The following CLIP1 variants were observed in gnomAD, a reference collection of about 807,000 sequenced individuals.
CLIP1 encodes CAP-Gly domain containing linker protein 1.
Under a neutral mutation model 161.6 loss-of-function variants are expected in CLIP1, and 66 were observed. The observed-to-expected ratio is 0.41, with a 90% CI of 0.33 to 0.50. CLIP1 has a LOEUF of 0.50. CLIP1 is among the 20% of genes least tolerant of loss of function. CLIP1 has a pLI of 0.27. For missense variants in CLIP1, 1,376 were observed against 1,702.0 expected (o/e 0.81, Z 3.37); for synonymous variants, 598 against 626.2 (o/e 0.96, Z 0.67).
rs1284059838 is a variant in CLIP1, at chr12:122,272,527, AAG to A, written c.*346_*347del. On this transcript the variant is annotated 3_prime_UTR_variant, in exon 26 of 26. Transcript: ENST00000620786. ...GGAAATATCTTAGTGCAAATATGAAAAGTAACGGCATAATTTAAAGTTACTTA... is the reference window on the plus strand; with the variant it reads ...GGAAATATCTTAGTGCAAATATGAAATAACGGCATAATTTAAAGTTACTTA... 1 of 189,668 alleles carries A rather than the reference AAG, an allele frequency of 5.3e-6. No individual in the cohort carries two copies. The highest frequency in any genetic ancestry group is 2.3e-5 in the African/African-American group (1 of 42,678). The allele number at this position is 189,668 out of a possible 1,614,324, so 11.7% of individuals were successfully genotyped here.
intron 1 of CLIP1, among the ~76,000 whole-genome samples, chr12:122,387,575 TATATATATA>T (rs1955364141): frequency 7.3e-4 from 3 of 4,110 alleles, no homozygotes; most frequent in South Asian, 9.6e-3. Flanking sequence ...TATATATATA[TATATATATA>T]TATATATTTT....
chr12:122,290,356 A>T (rs1021990715), intron 20 of CLIP1, among the ~76,000 whole-genome samples: 1 of 152,158 alleles, frequency 6.6e-6, no homozygotes, highest in African/African-American at 2.4e-5. Flanking sequence ...ATATTTAGAA[A>T]TTTTTAGAAT....
chr12:122,383,162 C>T (rs1955082130), intron 1 of CLIP1, among the ~76,000 whole-genome samples: 1 of 152,204 alleles, frequency 6.6e-6, no homozygotes, highest in South Asian at 2.1e-4. Context: ...CTGGGCCAAC[C>T]TCATAGAGTG....
chr12:122,413,104 T>C (rs1956601827), intron 1 of CLIP1, among the ~76,000 whole-genome samples: 2 of 152,136 alleles, frequency 1.3e-5, no homozygotes, highest in Non-Finnish European at 2.9e-5. Flanking sequence ...AAAGGAAAAG[T>C]CTAAATAGGT....
At chr12:122,344,837 G>A (rs1952667905) in intron 10 of CLIP1, among the ~76,000 whole-genome samples, 1 of 152,140 alleles carries the variant, frequency 6.6e-6, no homozygotes, top group African/African-American at 2.4e-5. Context: ...AGTAACATAG[G>A]TGATATGAAA....
intron 3 of CLIP1, among the ~76,000 whole-genome samples, chr12:122,366,944 T>C (rs1374339942): frequency 6.6e-6 from 1 of 152,208 alleles, no homozygotes; most frequent in African/African-American, 2.4e-5. Flanking sequence ...TCACTGCAGT[T>C]GAGTCAAAAG....
intron 19 of CLIP1, among the ~76,000 whole-genome samples, chr12:122,315,434 G>A (rs528497813): frequency 1.3e-5 from 2 of 152,180 alleles, no homozygotes; most frequent in Admixed American, 6.6e-5. Context: ...AATCTACACC[G>A]TAACTATCCT....
intron 5 of CLIP1, 127 bp downstream of exon 5, chr12:122,360,832 A>G (rs1953746229): frequency 1.3e-6 from 1 of 764,398 alleles, no homozygotes; most frequent in Non-Finnish European, 2.0e-6. Flanking sequence ...AGACTTTCAC[A>G]GCAAAAGCTG....
chr12:122,353,517 G>C (rs1593139939), intron 7 of CLIP1, among the ~76,000 whole-genome samples: 2 of 152,152 alleles, frequency 1.3e-5, no homozygotes, highest in Admixed American at 1.3e-4. Flanking sequence ...GGGAAGCTGG[G>C]GTAGGAGGAT....
chr12:122,278,216 G>GGAA lies in CLIP1; in HGVS notation c.3917-14_3917-13insTTC. 3.7e-6 allele frequency: 5 copies of GGAA among 1,362,364 alleles called. No individual in the cohort carries two copies. The highest frequency in any genetic ancestry group is 5.0e-6 in the Non-Finnish European group (5 of 1,004,748). 84.4% of individuals were successfully genotyped at this position (1,362,364 alleles called of 1,614,324 possible). A position where few individuals can be genotyped will look rare whatever the true frequency, so the allele number is the denominator to read the frequency against. On this transcript the variant is annotated splice_polypyrimidine_tract_variant and intron_variant, in intron 23 of 25. Transcript: ENST00000620786. ...GTGTCTGTATTACCTTATATTTGAG[G>GGAA]AAAAAAAAAAAAAAACAAGTGGAGG...
In CLIP1 at chr12:122,336,764, A is replaced by AGG; in HGVS notation, c.2452-17_2452-16insCC. On this transcript the variant is annotated splice_polypyrimidine_tract_variant and intron_variant, in intron 11 of 25. Transcript: ENST00000620786. ...TGCTACTAGCCTAACACACAGTGTT[A>AGG]CATGGTATAGAAGCAAATGAACAAA... 21 of 1,234,208 alleles carry AGG rather than the reference A, an allele frequency of 1.7e-5. No individual in the cohort carries two copies. The highest frequency in any genetic ancestry group is 2.4e-5 in the East Asian group (1 of 41,372). The allele number at this position is 1,234,208 out of a possible 1,614,324, so 76.5% of individuals were successfully genotyped here.
rs1408463600 is a variant in CLIP1, at chr12:122,286,793, T to C, written c.3647+1696A>G. ...GCAGGCGGATCACGACGTCAGGAGA[T>C]AGAGACCATCCTGGCTAACACGGTG... On this transcript the variant is annotated intron_variant, in intron 21 of 25. Transcript: ENST00000620786. Among the ~76,000 whole-genome samples the C allele has an allele frequency of 1.3e-5, 2 of 151,886 alleles. 1 individual carries two copies. Among genetic ancestry groups the C allele is most frequent in the East Asian group, 3.9e-4 (2 of 5,170 alleles).
chr12:122,321,263 G>A (rs1232029592), intron 17 of CLIP1, among the ~76,000 whole-genome samples: 1 of 149,156 alleles, frequency 6.7e-6, no homozygotes, highest in Non-Finnish European at 1.5e-5. Flanking sequence ...TTTCCCTTGA[G>A]ACAGAGTTTT....
chr12:122,299,426 T>G (rs1262832698), intron 20 of CLIP1, among the ~76,000 whole-genome samples: 1 of 151,940 alleles, frequency 6.6e-6, no homozygotes, highest in African/African-American at 2.4e-5. Context: ...CTTGGACCAT[T>G]TCCTAAACGT....
chr12:122,316,627 A>G lies in CLIP1; in HGVS notation c.3473+122T>C, dbSNP rs572932243. The G allele has an allele frequency of 1.8e-5, 11 of 621,828 alleles. No homozygotes were observed. The African/African-American group carries it at 1.9e-4, about 11-fold the overall frequency. 38.5% of individuals were successfully genotyped at this position (621,828 alleles called of 1,614,324 possible). On this transcript the variant is annotated intron_variant, in intron 19 of 25. Coordinates refer to ENST00000620786, the MANE Select transcript of CLIP1 (RefSeq NM_001247997.2). ...TACTGATGTTGCTTCTGGGGTATGC[A>G]ATAGAGTCTGCATACGTTTACTTTA...
chr12:122,331,442 G>A (rs988143448), intron 15 of CLIP1, among the ~76,000 whole-genome samples: 1 of 151,874 alleles, frequency 6.6e-6, no homozygotes, highest in East Asian at 1.9e-4. Context: ...AGCCTCCCAA[G>A]TAGCTGAGAT....
intron 15 of CLIP1, among the ~76,000 whole-genome samples, chr12:122,328,644 G>A (rs999987684): frequency 1.1e-4 from 17 of 152,118 alleles, no homozygotes; most frequent in Non-Finnish European, 2.2e-4. Context: ...GAGTGCAGTG[G>A]CATGATCTCC....
intron 1 of CLIP1, among the ~76,000 whole-genome samples, chr12:122,421,468 C>G (rs1956939303): frequency 6.6e-6 from 1 of 152,106 alleles, no homozygotes; most frequent in Non-Finnish European, 1.5e-5. Context: ...GTGGCCACAG[C>G]ACTTAATACT....
intron 7 of CLIP1, 73 bp downstream of exon 7, chr12:122,354,380 G>A: frequency 8.7e-7 from 1 of 1,145,422 alleles, no homozygotes; most frequent in South Asian, 1.3e-5. Context: ...GGGCAACAGA[G>A]CTAGACTCTG....
Sources: allele counts gnomAD v4.1 joint callset (sites outside exome capture counted in the v4.1 genomes callset), GRCh38; gene constraint gnomAD v4.1.1; transcripts MANE v1.5; gene names NCBI Gene and HGNC (gene_info 2026-07-23, HGNC 2026-07-21).